The following GPHN variants were observed in gnomAD, a reference collection of about 807,000 sequenced individuals.
GPHN encodes the protein gephyrin.
A neutral mutation model predicts 95.5 loss-of-function variants in GPHN; 17 were observed. That is an observed-to-expected ratio of 0.18 (90% confidence interval 0.12 to 0.27). The LOEUF (loss-of-function observed/expected upper bound fraction) is 0.27. Ranked by LOEUF, GPHN falls within the 10% of genes least tolerant of loss-of-function variation. GPHN has a pLI of 1.00. For synonymous variants in GPHN, 320 were observed against 322.5 expected, an observed-to-expected ratio of 0.99 and a Z score of 0.08; for missense variants, 660 against 978.1, an observed-to-expected ratio of 0.67 and a Z score of 4.34.
the GPHN span, chr14:67,557,328 G>C: frequency 6.2e-7 from 1 of 1,613,792 alleles, no homozygotes; most frequent in Non-Finnish European, 8.5e-7. Context: ...ACTCTGAGGG[G>C]AGCCTGCACC....
the GPHN span, among the ~76,000 whole-genome samples, chr14:67,519,636 C>A: frequency 6.6e-6 from 1 of 151,970 alleles, no homozygotes; most frequent in East Asian, 1.9e-4. Flanking sequence ...CAAGTACCCC[C>A]CAAACAGCGA....
the GPHN span, among the ~76,000 whole-genome samples, chr14:67,493,242 A>G: frequency 6.6e-6 from 1 of 152,200 alleles, no homozygotes; most frequent in Non-Finnish European, 1.5e-5. Flanking sequence ...AATCTTACCC[A>G]TCCATCTATC....
chr14:66,974,490 A>C (rs1009660553), intron 9 of GPHN, among the ~76,000 whole-genome samples: 1 of 152,150 alleles, frequency 6.6e-6, no homozygotes, highest in African/African-American at 2.4e-5. Flanking sequence ...CAACTATGAA[A>C]TGTATAATTG....
chr14:67,310,034 G>GTGT, the GPHN span, among the ~76,000 whole-genome samples: 1 of 125,644 alleles, frequency 8.0e-6, no homozygotes, highest in African/African-American at 4.2e-5. Context: ...GATTCTAGAA[G>GTGT]TATTATTGAT....
chr14:67,330,064 G>C, the GPHN span, among the ~76,000 whole-genome samples: 1 of 149,830 alleles, frequency 6.7e-6, no homozygotes, highest in Non-Finnish European at 1.5e-5. Context: ...TGTGGTAAGA[G>C]AGAATATATG....
chr14:67,553,789 A>T, the GPHN span, among the ~76,000 whole-genome samples: 1 of 152,258 alleles, frequency 6.6e-6, no homozygotes, highest in Admixed American at 6.5e-5. Flanking sequence ...CCTCTGGGAC[A>T]GGCCTGAGGA....
chr14:67,041,319 T>TAACCCATC (rs2074690625), intron 10 of GPHN, among the ~76,000 whole-genome samples: 1 of 152,106 alleles, frequency 6.6e-6, no homozygotes, highest in South Asian at 2.1e-4. Context: ...CTGCACCCAT[T>TAACCCATC]AACCCATCAC....
intron 1 of GPHN, among the ~76,000 whole-genome samples, chr14:66,673,864 CAT>C (rs2066437168): frequency 6.6e-6 from 1 of 152,048 alleles, no homozygotes; most frequent in African/African-American, 2.4e-5. Context: ...TTTTAGCTGA[CAT>C]GTAGTAATTG....
the GPHN span, among the ~76,000 whole-genome samples, chr14:67,445,905 C>G: frequency 6.6e-6 from 1 of 152,162 alleles, no homozygotes; most frequent in African/African-American, 2.4e-5. Flanking sequence ...GCAATTCACA[C>G]AGCAGCTCAT....
chr14:67,365,144 GT>G, the GPHN span: 1 of 955,276 alleles, frequency 1.0e-6, no homozygotes, highest in Non-Finnish European at 1.5e-6. Flanking sequence ...ATACAAAGTT[GT>G]TAGAAAAGGA....
the GPHN span, chr14:67,312,295 T>C: frequency 3.5e-6 from 1 of 287,212 alleles, no homozygotes; most frequent in East Asian, 6.2e-5. Flanking sequence ...TGAAAAATTG[T>C]GGCCAAGTGC....
At chr14:66,741,195 G>C (rs1245474188) in intron 2 of GPHN, among the ~76,000 whole-genome samples, 4 of 152,120 alleles carry the variant, frequency 2.6e-5, no homozygotes, top group African/African-American at 9.7e-5. Context: ...TCAAACTATA[G>C]CAGTAAGCAA....
intron 3 of GPHN, among the ~76,000 whole-genome samples, chr14:66,820,391 T>A (rs754036371): frequency 2.6e-5 from 4 of 152,166 alleles, no homozygotes; most frequent in Admixed American, 1.3e-4. Context: ...GTTGGAATAC[T>A]CTGCTCTTCT....
chr14:66,713,098 T>C (rs1389060657), intron 2 of GPHN, among the ~76,000 whole-genome samples: 1 of 152,202 alleles, frequency 6.6e-6, no homozygotes, highest in East Asian at 1.9e-4. Flanking sequence ...TCCCACTCTG[T>C]GGGTTGTCTG....
At chr14:67,303,598 T>C in the GPHN span, 4 of 1,609,276 alleles carry the variant, frequency 2.5e-6, no homozygotes. Flanking sequence ...AAGGAAACAG[T>C]AGTAAGTGAT....
At chr14:67,443,309 C>G in the GPHN span, among the ~76,000 whole-genome samples, 1 of 152,286 alleles carries the variant, frequency 6.6e-6, no homozygotes, top group Middle Eastern at 3.4e-3. Context: ...TAAGACTTTT[C>G]TTCCAGCTAA....
chr14:66,533,693 T>C (rs991835797), intron 1 of GPHN, among the ~76,000 whole-genome samples: 4 of 152,190 alleles, frequency 2.6e-5, no homozygotes, highest in African/African-American at 9.7e-5. Context: ...TAGGCTAAAG[T>C]AGATGAACTT....
chr14:67,669,270 A>ATT, the GPHN span, among the ~76,000 whole-genome samples: 5 of 140,018 alleles, frequency 3.6e-5, no homozygotes, highest in South Asian at 2.3e-4. Flanking sequence ...CTTCTTCATA[A>ATT]TTTTTTTTTT....
rs2065666994 is a variant in GPHN, at chr14:66,911,374, C to T, written c.390-4629C>T. Among the ~76,000 whole-genome samples the T allele has an allele frequency of 2.6e-5, 4 of 151,978 alleles. No individual in the cohort carries two copies. The South Asian group carries it at 8.3e-4, about 32-fold the overall frequency. On this transcript the variant is annotated intron_variant, in intron 5 of 22. Coordinates refer to ENST00000478722, the MANE Select transcript of GPHN (RefSeq NM_020806.5). Reference sequence around the variant, plus strand: ...ATGATTGTACAACTCTGAGAATATACTTTAAAAACTATTGAATTGTATCCT... The same window carrying T: ...ATGATTGTACAACTCTGAGAATATATTTTAAAAACTATTGAATTGTATCCT...
Sources: allele counts gnomAD v4.1 joint callset (sites outside exome capture counted in the v4.1 genomes callset), GRCh38; gene constraint gnomAD v4.1.1; transcripts MANE v1.5; gene names NCBI Gene and HGNC (gene_info 2026-07-23, HGNC 2026-07-21).